C10orf90: variants seen among roughly 807,000 people sequenced by gnomAD.
C10orf90 encodes the protein (E2-independent) E3 ubiquitin-conjugating enzyme FATS.
Under a neutral mutation model 62.5 loss-of-function variants are expected in C10orf90, and 56 were observed. That is an observed-to-expected ratio of 0.90 (90% CI 0.72 to 1.12). C10orf90 has a LOEUF of 1.12. Ranked by LOEUF, C10orf90 falls within the 50% of genes most tolerant of loss-of-function variation. The probability of loss-of-function intolerance (pLI) is 0.00; values close to 1 mark genes in which losing one functional copy is unlikely to be tolerated. For synonymous variants in C10orf90, 386 were observed against 340.4 expected (o/e 1.13, Z -1.47); for missense variants, 970 against 880.4 (o/e 1.10, Z -1.29).
chr10:126,496,692 T>C (rs1394989501), intron 4 of C10orf90: 1 of 985,306 alleles, frequency 1.0e-6, no homozygotes, highest in Non-Finnish European at 1.2e-6. Context: ...CTCCTCACCC[T>C]TTCCTTGCCA....
intron 2 of C10orf90, among the ~76,000 whole-genome samples, chr10:126,622,141 G>T (rs531293121): frequency 6.6e-6 from 1 of 152,152 alleles, no homozygotes; most frequent in Admixed American, 6.5e-5. Context: ...TATCTGGTTC[G>T]TTCTTATGCG....
intron 4 of C10orf90, among the ~76,000 whole-genome samples, chr10:126,471,617 G>GA (rs1329283300): frequency 3.3e-5 from 5 of 152,114 alleles, no homozygotes; most frequent in African/African-American, 1.2e-4. Flanking sequence ...AGAGAAAAAG[G>GA]AAAAAATCCC....
rs1844621733 is a variant in C10orf90 at position 126,576,687 on chromosome 10, A to ATTATC, written c.314-62749_314-62748insGATAA. Among the ~76,000 whole-genome samples the ATTATC allele has an allele frequency of 9.6e-3, 272 of 28,322 alleles. 49 individuals are homozygous for ATTATC. Among genetic ancestry groups the ATTATC allele is most frequent in the Non-Finnish European group, 0.012 (175 of 14,392 alleles). The allele number at this position is 28,322 out of a possible 152,430, so 18.6% of individuals were successfully genotyped here. A position where few individuals can be genotyped will look rare whatever the true frequency, so the allele number is the denominator to read the frequency against. On this transcript the variant is annotated intron_variant, in intron 2 of 9. Coordinates refer to ENST00000488181, the MANE Select transcript of C10orf90 (RefSeq NM_001350921.2). ...TACATATATATGTATACATATACAT[A>ATTATC]TACATGTATATGTATATGTATATAT...
chr10:126,508,684 G>A (rs1346591615), intron 3 of C10orf90, among the ~76,000 whole-genome samples: 1 of 152,158 alleles, frequency 6.6e-6, no homozygotes, highest in Non-Finnish European at 1.5e-5. Flanking sequence ...TCTAGCGTGG[G>A]CCGGGACTCC....
chr10:126,640,617 G>A (rs1348081930), intron 2 of C10orf90, among the ~76,000 whole-genome samples: 1 of 152,194 alleles, frequency 6.6e-6, no homozygotes, highest in South Asian at 2.1e-4. Flanking sequence ...AAAATGCCCT[G>A]GAGAGACCTG....
intron 2 of C10orf90, among the ~76,000 whole-genome samples, chr10:126,576,679 AT>A (rs1844620651): frequency 1.7e-5 from 1 of 59,830 alleles, no homozygotes; most frequent in African/African-American, 8.2e-5. Context: ...ATATGTATAC[AT>A]ATACATATAC....
intron 4 of C10orf90, among the ~76,000 whole-genome samples, chr10:126,474,715 C>G (rs1222727796): frequency 1.3e-5 from 2 of 152,156 alleles, no homozygotes; most frequent in African/African-American, 4.8e-5. Flanking sequence ...CTTAACTTAT[C>G]TTTTAAAAGA....
chr10:126,624,878 C>T (rs1050647944), intron 2 of C10orf90, among the ~76,000 whole-genome samples: 2 of 152,140 alleles, frequency 1.3e-5, no homozygotes, highest in East Asian at 1.9e-4. Flanking sequence ...CTACACAGAA[C>T]GTGGCAAGCT....
chr10:126,629,833 C>T (rs75147634), intron 2 of C10orf90, among the ~76,000 whole-genome samples: 2 of 152,260 alleles, frequency 1.3e-5, no homozygotes, highest in East Asian at 3.9e-4. Flanking sequence ...CAGGGACAGG[C>T]CAGGCAGAGC....
chr10:126,565,470 ATCAG>A, intron 2 of C10orf90, among the ~76,000 whole-genome samples: 1 of 124,828 alleles, frequency 8.0e-6, no homozygotes, highest in Non-Finnish European at 1.6e-5. Context: ...AAACTTGTGC[ATCAG>A]TCAATTTGCT....
At chr10:126,665,676 G>A (rs555494298) in intron 1 of C10orf90, among the ~76,000 whole-genome samples, 3 of 152,254 alleles carry the variant, frequency 2.0e-5, no homozygotes, top group African/African-American at 7.2e-5. Context: ...AACAAGAGAG[G>A]TGAGTCCTAC....
At chr10:126,438,198 G>A (rs1858045478) in intron 7 of C10orf90, among the ~76,000 whole-genome samples, 1 of 152,110 alleles carries the variant, frequency 6.6e-6, no homozygotes. Context: ...CAACCCTACT[G>A]CCCAGAGGAA....
intron 2 of C10orf90, among the ~76,000 whole-genome samples, chr10:126,556,693 T>G (rs1864781078): frequency 6.6e-6 from 1 of 152,044 alleles, no homozygotes; most frequent in Non-Finnish European, 1.5e-5. Context: ...CAAGTTCATT[T>G]CTAGTGGGTT....
intron 2 of C10orf90, among the ~76,000 whole-genome samples, chr10:126,581,365 C>T (rs1229382088): frequency 6.6e-6 from 1 of 152,188 alleles, no homozygotes; most frequent in African/African-American, 2.4e-5. Context: ...AGGAACACAT[C>T]ATTGATCTGG....
At chr10:126,634,808 A>AT (rs1183461121) in intron 2 of C10orf90, among the ~76,000 whole-genome samples, 1 of 152,172 alleles carries the variant, frequency 6.6e-6, no homozygotes, top group East Asian at 1.9e-4. Context: ...AAGAGCTGGG[A>AT]TTTTCCAAAG....
intron 2 of C10orf90, among the ~76,000 whole-genome samples, chr10:126,620,164 T>G (rs954119798): frequency 6.6e-5 from 10 of 152,224 alleles, no homozygotes; most frequent in Non-Finnish European, 1.0e-4. Context: ...TTTTCCTTTA[T>G]GGTGTCTTAT....
intron 2 of C10orf90, among the ~76,000 whole-genome samples, chr10:126,581,347 A>G (rs927033489): frequency 3.9e-5 from 6 of 152,180 alleles, no homozygotes; most frequent in African/African-American, 1.4e-4. Flanking sequence ...CTCTACAGCC[A>G]TTTTCCTAGG....
chr10:126,432,474 T>A (rs1857641770), intron 7 of C10orf90, among the ~76,000 whole-genome samples: 1 of 152,042 alleles, frequency 6.6e-6, no homozygotes, highest in Non-Finnish European at 1.5e-5. Context: ...GCTGGACAAG[T>A]CAAAAACCAG....
In C10orf90 at chr10:126,456,320, A is replaced by C. The variant is rs1859573424; in HGVS notation, c.2188+2720T>G. 6.6e-6 allele frequency among the ~76,000 whole-genome samples: 1 copy of C among 152,166 alleles called. No individual in the cohort carries two copies. The highest frequency in any genetic ancestry group is 1.5e-5 in the Non-Finnish European group (1 of 68,036). On this transcript the variant is annotated intron_variant, in intron 7 of 9. Transcript: ENST00000488181. This position sits in a 1 kb window ranked among gnomAD's most constrained non-coding sequence, Gnocchi z 4.9. Reference sequence around the variant, plus strand: ...ACCCAAAAGTAAAGCTCTCATCGACACATAAATACGGCAGGGATGGTCAGG... The same window carrying C: ...ACCCAAAAGTAAAGCTCTCATCGACCCATAAATACGGCAGGGATGGTCAGG...
Sources: allele counts gnomAD v4.1 joint callset (sites outside exome capture counted in the v4.1 genomes callset), GRCh38; gene constraint gnomAD v4.1.1; non-coding constraint Gnocchi (gnomAD v3.1); transcripts MANE v1.5; gene names NCBI Gene and HGNC (gene_info 2026-07-23, HGNC 2026-07-21).